Variants in BCAP29 observed in about 807,000 individuals in gnomAD.
The protein encoded by BCAP29 is B-cell receptor-associated protein 29.
A neutral mutation model predicts 31.8 loss-of-function variants in BCAP29; 34 were observed. That is an observed-to-expected ratio of 1.07 (90% CI 0.81 to 1.42). The LOEUF (loss-of-function observed/expected upper bound fraction) is 1.42. Among genes scored for constraint, BCAP29 ranks in the 40% most tolerant of loss-of-function variants. BCAP29 has a pLI of 0.00. For synonymous variants in BCAP29, 104 were observed against 91.3 expected (o/e 1.14, Z -0.79); for missense variants, 314 against 269.2 (o/e 1.17, Z -1.16).
intron 7 of BCAP29, among the ~76,000 whole-genome samples, chr7:107,617,181 G>T (rs1016237290): frequency 2.0e-5 from 3 of 152,118 alleles, no homozygotes; most frequent in Non-Finnish European, 4.4e-5. Flanking sequence ...ACTAATCTTA[G>T]ATATTGAATT....
chr7:107,584,171 T>C (rs2129211196), intron 3 of BCAP29, among the ~76,000 whole-genome samples, 189 bp downstream of exon 3: 1 of 152,294 alleles, frequency 6.6e-6, no homozygotes, highest in East Asian at 1.9e-4. Flanking sequence ...CAAGCTTAAG[T>C]TTCAACAGGG....
chr7:107,615,127 C>T (rs973439576), intron 7 of BCAP29: 10 of 439,782 alleles, frequency 2.3e-5, no homozygotes, highest in African/African-American at 1.3e-4. Context: ...TGTTGAATGT[C>T]TCCATTGTTG....
At chr7:107,613,602 T>C in intron 7 of BCAP29, 170 bp downstream of exon 7, 1 of 1,523,338 alleles carries the variant, frequency 6.6e-7, no homozygotes, top group South Asian at 1.1e-5. Flanking sequence ...ATTAGGACAT[T>C]GCAGGAAAAT....
intron 3 of BCAP29, among the ~76,000 whole-genome samples, chr7:107,592,208 G>A (rs544450054): frequency 1.6e-4 from 24 of 152,024 alleles, no homozygotes; most frequent in African/African-American, 5.5e-4. Context: ...TTCTCAGTTT[G>A]AAAAAAATTC....
chr7:107,585,585 T>C (rs1807500746), intron 3 of BCAP29, among the ~76,000 whole-genome samples: 1 of 152,216 alleles, frequency 6.6e-6, no homozygotes, highest in South Asian at 2.1e-4. Flanking sequence ...TCTCTGCAGC[T>C]CCTGATTTTA....
rs540882705 is a variant in BCAP29 at position 107,580,868 on chromosome 7, G to C, written c.92+4G>C. 2 of 1,571,898 alleles carry C rather than the reference G, an allele frequency of 1.3e-6. No individual in the cohort carries two copies. Among genetic ancestry groups the C allele is most frequent in the African/African-American group, 2.8e-5 (2 of 72,078 alleles). ...TACCTTTTATTCCTCCTCAGAGGTA[G>C]GAAACCTTCAAATCGTTAACTAATA... On this transcript the variant is annotated splice_donor_region_variant and intron_variant, in intron 2 of 7. Transcript: ENST00000005259.
intron 3 of BCAP29, among the ~76,000 whole-genome samples, chr7:107,584,808 T>G (rs1807338131): frequency 6.6e-6 from 1 of 152,200 alleles, no homozygotes; most frequent in Non-Finnish European, 1.5e-5. Flanking sequence ...ACTTTAGTTG[T>G]GATAACAGCA....
chr7:107,599,784 A>G (rs1585141689), intron 5 of BCAP29, among the ~76,000 whole-genome samples: 1 of 152,164 alleles, frequency 6.6e-6, no homozygotes, highest in African/African-American at 2.4e-5. Context: ...TCTTACCTAG[A>G]AAAGATAAGC....
chr7:107,590,078 T>C (rs1244882681), intron 3 of BCAP29, among the ~76,000 whole-genome samples: 1 of 152,150 alleles, frequency 6.6e-6, no homozygotes, highest in Non-Finnish European at 1.5e-5. Context: ...ATATTTTAAC[T>C]GAACAATAAT....
chr7:107,592,859 A>G (rs929336093), intron 3 of BCAP29, among the ~76,000 whole-genome samples: 1 of 152,348 alleles, frequency 6.6e-6, no homozygotes, highest in African/African-American at 2.4e-5. Context: ...GATTCAGTTT[A>G]TATGAAATGT....
At chr7:107,587,524 C>G (rs1201518199) in intron 3 of BCAP29, 1 of 151,954 alleles carries the variant, frequency 6.6e-6, no homozygotes, top group Non-Finnish European at 1.5e-5. Flanking sequence ...TAAAATAAGT[C>G]GTAAATATAT....
intron 3 of BCAP29, among the ~76,000 whole-genome samples, chr7:107,586,026 A>C (rs1008143464): frequency 2.3e-4 from 35 of 152,124 alleles, no homozygotes; most frequent in African/African-American, 8.4e-4. Flanking sequence ...TCGCTTGACT[A>C]AAAAAGGAAA....
intron 5 of BCAP29, among the ~76,000 whole-genome samples, chr7:107,598,191 C>T (rs1810197818): frequency 6.6e-6 from 1 of 152,172 alleles, no homozygotes. Flanking sequence ...CAATGATTCT[C>T]TTCTAATTTG....
rs1289051641 is a variant in BCAP29, at chr7:107,618,835, A to C, written c.*472A>C. ...AATGTAAATAAGGATAACTGATCAG[A>C]GTTATCCACTGTATTTATAAGGAAG... On this transcript the variant is annotated 3_prime_UTR_variant, in exon 8 of 8. Coordinates refer to ENST00000005259, the MANE Select transcript of BCAP29 (RefSeq NM_018844.4). 1 of 321,512 alleles carries C rather than the reference A, an allele frequency of 3.1e-6. No individual in the cohort carries two copies. The highest frequency in any genetic ancestry group is 2.1e-5 in the African/African-American group (1 of 47,752). The allele number at this position is 321,512 out of a possible 1,614,324, so 19.9% of individuals were successfully genotyped here. A position where few individuals can be genotyped will look rare whatever the true frequency, so the allele number is the denominator to read the frequency against.
intron 1 of BCAP29, 147 bp from the exon 2 acceptor site, chr7:107,580,612 C>A: frequency 3.4e-6 from 2 of 581,608 alleles, no homozygotes; most frequent in South Asian, 2.2e-5. Context: ...ACCCTTTTCC[C>A]CTTCCTGACC....
intron 6 of BCAP29, among the ~76,000 whole-genome samples, chr7:107,610,332 G>A (rs1392463361): frequency 6.6e-6 from 1 of 152,108 alleles, no homozygotes; most frequent in African/African-American, 2.4e-5. Context: ...AATTGCAGTA[G>A]CAACTTAGAT....
rs1377858083 is a variant in BCAP29, at chr7:107,600,445, A to T, written c.529A>T (p.Asn177Tyr). The change falls in exon 6 of 8, where the codon AAT becomes TAT. Residue 177 changes from asparagine to tyrosine, a missense_variant. Asn to Tyr is a moderately radical substitution (Grantham distance 143). Coordinates refer to ENST00000005259, the MANE Select transcript of BCAP29 (RefSeq NM_018844.4). The stretch of plus-strand genomic sequence containing the variant: ...TGAAGAATGTGTTTTGGAAGCAGAA[A>T]ATAAAAAACTAGTAGAAGACCAGGA... ...KDEECVLEAENKKLVEDQEKL... is the reference protein window; with the variant it reads ...KDEECVLEAEYKKLVEDQEKL... The T allele has an allele frequency of 6.2e-7, 1 of 1,611,536 alleles. No homozygotes were observed. The highest frequency in any genetic ancestry group is 1.3e-5 in the African/African-American group (1 of 74,854).
At chr7:107,596,029 A>G in intron 5 of BCAP29, 27 bp downstream of exon 5, 5 of 1,543,390 alleles carry the variant, frequency 3.2e-6, no homozygotes, top group Non-Finnish European at 4.3e-6. Flanking sequence ...GTAAAAATTA[A>G]ATGTTGTTGG....
chr7:107,623,120 A>G (rs1159412899), downstream of BCAP29: 1 of 152,178 alleles, frequency 6.6e-6, no homozygotes, highest in East Asian at 1.9e-4. Flanking sequence ...TGGAGCAACA[A>G]GGAGCTGTGT....
Sources: gnomAD v4.1 joint callset for allele counts (sites outside exome capture counted in the v4.1 genomes callset) on GRCh38, gnomAD v4.1.1 for gene constraint, MANE v1.5 for transcripts, NCBI Gene and HGNC (gene_info 2026-07-23, HGNC 2026-07-21) for gene names.